The following PRKAG2 variants were observed in gnomAD, a reference collection of about 807,000 sequenced individuals.
PRKAG2 encodes protein kinase AMP-activated non-catalytic subunit gamma 2, also known as 5'-AMP-activated protein kinase subunit gamma-2.
In PRKAG2, 26 loss-of-function variants were observed where a neutral mutation model predicts 69.6. The ratio of observed to expected loss-of-function variants is 0.37; its 90% CI spans 0.27 to 0.52. The LOEUF is 0.52. Among genes scored for constraint, PRKAG2 ranks in the 20% least tolerant of loss-of-function variants. The pLI is 0.90. For synonymous variants in PRKAG2, 293 were observed against 285.0 expected, an observed-to-expected ratio of 1.03 and a Z score of -0.28; for missense variants, 557 against 740.0, an observed-to-expected ratio of 0.75 and a Z score of 2.87.
intron 4 of PRKAG2, among the ~76,000 whole-genome samples, chr7:151,657,515 G>T (rs924459777): frequency 4.6e-5 from 7 of 152,190 alleles, no homozygotes; most frequent in African/African-American, 9.7e-5. Flanking sequence ...CCAAAGGTAG[G>T]TCTCAATTTG....
intron 4 of PRKAG2, among the ~76,000 whole-genome samples, chr7:151,648,904 A>ATT (rs201909406): frequency 9.2e-6 from 1 of 108,490 alleles, no homozygotes; most frequent in South Asian, 2.4e-4. Flanking sequence ...GAGGACCAGG[A>ATT]TTTTTTTTTT....
At chr7:151,703,161 T>G (rs923257372) in intron 3 of PRKAG2, among the ~76,000 whole-genome samples, 1 of 152,190 alleles carries the variant, frequency 6.6e-6, no homozygotes, top group Non-Finnish European at 1.5e-5. Flanking sequence ...AAGGCCATGA[T>G]GGCTTCTCTG....
At chr7:151,594,492 G>A (rs1351575394) in intron 6 of PRKAG2, among the ~76,000 whole-genome samples, 3 of 152,140 alleles carry the variant, frequency 2.0e-5, no homozygotes, top group Non-Finnish European at 2.9e-5. Flanking sequence ...GTTGCAATAC[G>A]CATAATTTTA....
chr7:151,632,005 G>T lies in PRKAG2; in HGVS notation c.754+64C>A. The T allele has an allele frequency of 8.4e-7, 1 of 1,191,096 alleles. No homozygotes were observed. 73.8% of individuals were successfully genotyped at this position (1,191,096 alleles called of 1,614,324 possible). On this transcript the variant is annotated intron_variant, in intron 5 of 15. Coordinates refer to ENST00000287878, the MANE Select transcript of PRKAG2 (RefSeq NM_016203.4). This position sits in a 1 kb window ranked among gnomAD's most constrained non-coding sequence, Gnocchi z 4.2. ...GAGATGGGGCGCGGGGTCCCCGCGG[G>T]TCCCGGTCCTCGGGCGGCCGGGCCG...
chr7:151,756,956 C>T lies in PRKAG2; in HGVS notation c.466+24196G>A, dbSNP rs1413680770. On this transcript the variant is annotated intron_variant, in intron 3 of 15. Transcript: ENST00000287878. This position sits in a 1 kb window ranked among gnomAD's most constrained non-coding sequence, Gnocchi z 4.9. ...TTCAGACGGGGTCAGCGCTGCGATT[C>T]GGGGGAGTAACCAGCGGTGAGCTTC... Among the ~76,000 whole-genome samples, 2 of 152,198 alleles carry T rather than the reference C, an allele frequency of 1.3e-5. No homozygotes were observed. Among genetic ancestry groups the T allele is most frequent in the South Asian group, 2.1e-4 (1 of 4,834 alleles).
intron 1 of PRKAG2, among the ~76,000 whole-genome samples, chr7:151,797,229 C>T (rs942310942): frequency 1.5e-4 from 2 of 13,716 alleles, no homozygotes; most frequent in Non-Finnish European, 3.1e-4. Flanking sequence ...TTCTTGCCAC[C>T]CCCCCCACCC....
intron 5 of PRKAG2, among the ~76,000 whole-genome samples, chr7:151,601,147 G>A (rs1024107626): frequency 2.0e-5 from 3 of 152,138 alleles, no homozygotes; most frequent in Non-Finnish European, 4.4e-5. Flanking sequence ...GGGACACAAT[G>A]ACCGGTTATC....
chr7:151,563,167 A>G (rs1258071697), intron 14 of PRKAG2, among the ~76,000 whole-genome samples: 1 of 152,172 alleles, frequency 6.6e-6, no homozygotes, highest in East Asian at 1.9e-4. Flanking sequence ...ATATAAACAA[A>G]TGGAATCATC....
At chr7:151,748,119 C>T (rs901471457) in intron 3 of PRKAG2, among the ~76,000 whole-genome samples, 6 of 152,004 alleles carry the variant, frequency 3.9e-5, no homozygotes, top group Non-Finnish European at 8.8e-5. Context: ...TGGGGTTTCA[C>T]CATGTTGCCC....
At chr7:151,641,151 C>A (rs1826593920) in intron 4 of PRKAG2, among the ~76,000 whole-genome samples, 1 of 151,824 alleles carries the variant, frequency 6.6e-6, no homozygotes, top group African/African-American at 2.4e-5. Flanking sequence ...AGTTCGCTGG[C>A]AGTATGAGAT....
intron 3 of PRKAG2, among the ~76,000 whole-genome samples, chr7:151,681,735 C>T (rs1833916482): frequency 6.6e-6 from 1 of 152,134 alleles, no homozygotes; most frequent in Admixed American, 6.5e-5. Context: ...AGGGACCACA[C>T]CTCAGCTCCA....
At chr7:151,578,313 C>T (rs918761912) in intron 6 of PRKAG2, among the ~76,000 whole-genome samples, 1 of 152,212 alleles carries the variant, frequency 6.6e-6, no homozygotes, top group East Asian at 1.9e-4. Flanking sequence ...CCACTGTACT[C>T]CAGCCTGAGT....
At chr7:151,688,548 C>T (rs1015894880) in intron 3 of PRKAG2, among the ~76,000 whole-genome samples, 2 of 152,222 alleles carry the variant, frequency 1.3e-5, no homozygotes, top group African/African-American at 2.4e-5. Context: ...TCAGAGCTTC[C>T]GTCTGCAACG....
chr7:151,870,154 T>TAGGCAGGCAGGCAGGCAGGC (rs200063326), intron 1 of PRKAG2, among the ~76,000 whole-genome samples: 23 of 138,436 alleles, frequency 1.7e-4, no homozygotes, highest in African/African-American at 6.3e-4. Flanking sequence ...GATAGATAGA[T>TAGGCAGGCAGGCAGGCAGGC]AGGCAGGCAG....
chr7:151,792,035 T>C lies in PRKAG2; in HGVS notation c.115-5494A>G, dbSNP rs1245918283. Among the ~76,000 whole-genome samples the C allele has an allele frequency of 2.0e-5, 3 of 152,238 alleles. No homozygotes were observed. In the South Asian group the frequency reaches 6.2e-4, roughly 32 times the overall value. ...TCCTGTAACCAGGTCCACCTGCTCC[T>C]AGCTCAGAACTCTTTCTATGAAACT... On this transcript the variant is annotated intron_variant, in intron 1 of 15. Coordinates refer to ENST00000287878, the MANE Select transcript of PRKAG2 (RefSeq NM_016203.4).
chr7:151,754,674 G>A lies in PRKAG2; in HGVS notation c.466+26478C>T, dbSNP rs574346741. On this transcript the variant is annotated intron_variant, in intron 3 of 15. Transcript: ENST00000287878. ...ACAGCCCTGAGGGAGGCTGGGCTTTGGCTTCATATAGTCCCTGTTCTCCCG... is the reference window on the plus strand; with the variant it reads ...ACAGCCCTGAGGGAGGCTGGGCTTTAGCTTCATATAGTCCCTGTTCTCCCG... Among the ~76,000 whole-genome samples, 9 of 152,134 alleles carry A rather than the reference G, an allele frequency of 5.9e-5. No homozygotes were observed. In the South Asian group the frequency reaches 8.3e-4, roughly 14 times the overall value.
intron 3 of PRKAG2, among the ~76,000 whole-genome samples, chr7:151,716,779 T>C (rs1389542369): frequency 6.6e-6 from 1 of 152,204 alleles, no homozygotes; most frequent in East Asian, 1.9e-4. Context: ...CACAGAGCCC[T>C]GCAGAAAGCA....
chr7:151,784,004 A>C (rs561015017), intron 2 of PRKAG2, among the ~76,000 whole-genome samples: 135 of 151,834 alleles, frequency 8.9e-4, no homozygotes, highest in Non-Finnish European at 1.8e-3. Context: ...GGCTGAGAGA[A>C]GCCAGTAGGA....
chr7:151,604,348 T>C (rs1816961592), intron 5 of PRKAG2, among the ~76,000 whole-genome samples: 1 of 152,180 alleles, frequency 6.6e-6, no homozygotes. Flanking sequence ...AAAATCATAA[T>C]GAATGTGTCT....
Sources: allele counts gnomAD v4.1 joint callset (sites outside exome capture counted in the v4.1 genomes callset), GRCh38; gene constraint gnomAD v4.1.1; non-coding constraint Gnocchi (gnomAD v3.1); transcripts MANE v1.5; gene names NCBI Gene and HGNC (gene_info 2026-07-23, HGNC 2026-07-21).